ELMO1: variants seen among roughly 807,000 people sequenced by gnomAD.
The protein encoded by ELMO1 is engulfment and cell motility 1, also known as engulfment and cell motility protein 1.
In ELMO1, 26 loss-of-function variants were observed where a neutral mutation model predicts 98.9. The ratio of observed to expected loss-of-function variants is 0.26; its 90% CI spans 0.19 to 0.36. The LOEUF (loss-of-function observed/expected upper bound fraction) is 0.36. Among genes scored for constraint, ELMO1 ranks in the 10% least tolerant of loss-of-function variants. The pLI is 1.00. For missense variants in ELMO1, 627 were observed against 935.2 expected (o/e 0.67, Z 4.30); for synonymous variants, 346 against 346.0 (o/e 1.00, Z 0.00).
chr7:36,876,789 G>A (rs1471688263), intron 19 of ELMO1, among the ~76,000 whole-genome samples: 1 of 152,204 alleles, frequency 6.6e-6, no homozygotes, highest in African/African-American at 2.4e-5. Context: ...CCCCAAAGCA[G>A]GGAGGCATAG....
At chr7:36,954,896 A>T (rs558015965) in intron 16 of ELMO1, among the ~76,000 whole-genome samples, 88 of 152,298 alleles carry the variant, frequency 5.8e-4, no homozygotes, top group Non-Finnish European at 9.6e-4. Flanking sequence ...TGATGTTTTT[A>T]CAAGCGTACC....
intron 7 of ELMO1, among the ~76,000 whole-genome samples, chr7:37,238,152 GCTAT>G (rs1311278436): frequency 6.6e-6 from 1 of 152,254 alleles, no homozygotes; most frequent in East Asian, 1.9e-4. Context: ...GAAGAGAACT[GCTAT>G]CTAATTAAAA....
intron 4 of ELMO1, among the ~76,000 whole-genome samples, chr7:37,290,789 G>A (rs1458469425): frequency 6.6e-6 from 1 of 151,936 alleles, no homozygotes; most frequent in African/African-American, 2.4e-5. Flanking sequence ...AATTCTAATG[G>A]GATTTGACAA....
chr7:36,926,973 T>C (rs11982286), intron 16 of ELMO1, among the ~76,000 whole-genome samples: 14,213 of 152,262 alleles, frequency 0.093, 1,193 homozygotes, highest in East Asian at 0.25. Context: ...TTAGTTCCTA[T>C]GGGAATTGTC....
chr7:37,204,121 G>T, intron 13 of ELMO1: 1 of 456,496 alleles, frequency 2.2e-6, no homozygotes, highest in South Asian at 1.5e-5. Context: ...TTTGGCAATA[G>T]GCATTAGTCT....
chr7:37,050,760 T>C (rs908885277), intron 15 of ELMO1, among the ~76,000 whole-genome samples: 2 of 145,780 alleles, frequency 1.4e-5, no homozygotes, highest in African/African-American at 5.2e-5. Context: ...CTTAAATACA[T>C]ACAATTACCA....
chr7:37,331,333 C>CTTTATTTTTT (rs1800100491), intron 2 of ELMO1, among the ~76,000 whole-genome samples: 1 of 28,716 alleles, frequency 3.5e-5, no homozygotes, highest in Admixed American at 5.7e-4. Flanking sequence ...CCACGCCTGG[C>CTTTATTTTTT]TTTTTTTTTT....
At chr7:37,055,221 T>A (rs779977162) in intron 15 of ELMO1, among the ~76,000 whole-genome samples, 39 of 152,192 alleles carry the variant, frequency 2.6e-4, no homozygotes, top group Admixed American at 2.6e-3. Flanking sequence ...GAGGCATCTA[T>A]AGAAAAGACA....
intron 16 of ELMO1, among the ~76,000 whole-genome samples, chr7:37,006,230 C>G (rs1021115138): frequency 1.3e-5 from 2 of 152,192 alleles, no homozygotes; most frequent in African/African-American, 4.8e-5. Context: ...AACAAACTAT[C>G]TGGGGAAATC....
chr7:37,245,524 T>C (rs1794961547), intron 6 of ELMO1, among the ~76,000 whole-genome samples: 2 of 152,204 alleles, frequency 1.3e-5, no homozygotes, highest in African/African-American at 4.8e-5. Flanking sequence ...TATAAAGAGA[T>C]ATTTTTATTC....
chr7:37,096,524 C>T lies in ELMO1; in HGVS notation c.1300+95G>A, dbSNP rs1221883116. 95 of 1,013,172 alleles carry T rather than the reference C, an allele frequency of 9.4e-5. 1 individual carries two copies. The South Asian group carries it at 1.2e-3, about 12-fold the overall frequency. 62.8% of individuals were successfully genotyped at this position (1,013,172 alleles called of 1,614,324 possible). On this transcript the variant is annotated intron_variant, in intron 15 of 21. Transcript: ENST00000310758. ...CACAGTGATGACCGTAAGAAGCTGT[C>T]GGCATCTTGGGATTTCTTCACACAG...
intron 1 of ELMO1, among the ~76,000 whole-genome samples, chr7:37,353,936 A>T (rs1285756401): frequency 2.0e-5 from 3 of 152,030 alleles, no homozygotes; most frequent in African/African-American, 7.3e-5. Context: ...TGTTCTCTCT[A>T]CCTCCAATGT....
intron 15 of ELMO1, among the ~76,000 whole-genome samples, chr7:37,016,712 C>T (rs1793961595): frequency 6.6e-6 from 1 of 152,140 alleles, no homozygotes; most frequent in Admixed American, 6.5e-5. Context: ...GCACCGGGCA[C>T]TGAATGATGG....
At chr7:37,021,625 T>C (rs1794272610) in intron 15 of ELMO1, among the ~76,000 whole-genome samples, 1 of 151,878 alleles carries the variant, frequency 6.6e-6, no homozygotes, top group South Asian at 2.1e-4. Context: ...CAATGTGACC[T>C]TGATCACCTT....
chr7:37,433,577 C>T (rs1475898022), intron 1 of ELMO1, among the ~76,000 whole-genome samples: 1 of 152,112 alleles, frequency 6.6e-6, no homozygotes, highest in African/African-American at 2.4e-5. Flanking sequence ...TTAATATTCA[C>T]TTCAACCCGA....
intron 13 of ELMO1, among the ~76,000 whole-genome samples, chr7:37,151,331 T>C (rs1436681565): frequency 6.6e-6 from 1 of 152,252 alleles, no homozygotes; most frequent in Middle Eastern, 3.4e-3. Context: ...CCGTTCACAC[T>C]ACACTTCACA....
At chr7:37,082,365 C>A (rs1018161743) in intron 15 of ELMO1, among the ~76,000 whole-genome samples, 1 of 152,004 alleles carries the variant, frequency 6.6e-6, no homozygotes, top group African/African-American at 2.4e-5. Context: ...TCAAAAGATT[C>A]TGATGGTTGA....
chr7:37,213,327 GCA>G lies in ELMO1; in HGVS notation c.954+6_954+7del. ...CTGTGCTTTGACTGCTGTCCAATGAGCACTCACCTGGTCCTGGGGGTCCATTT... is the reference window on the plus strand; with the variant it reads ...CTGTGCTTTGACTGCTGTCCAATGAGCTCACCTGGTCCTGGGGGTCCATTT... On this transcript the variant is annotated splice_donor_region_variant and intron_variant, in intron 12 of 21. Coordinates refer to ENST00000310758, the MANE Select transcript of ELMO1 (RefSeq NM_014800.11). 1 of 1,612,386 alleles carries G rather than the reference GCA, an allele frequency of 6.2e-7. No individual in the cohort carries two copies. Among genetic ancestry groups the G allele is most frequent in the Non-Finnish European group, 8.5e-7 (1 of 1,179,356 alleles).
intron 16 of ELMO1, among the ~76,000 whole-genome samples, chr7:36,990,160 T>G (rs1415816536): frequency 6.6e-6 from 1 of 152,216 alleles, no homozygotes; most frequent in East Asian, 1.9e-4. Flanking sequence ...CCAGCGGTTT[T>G]GTTATGGAGA....
Sources: gnomAD v4.1 joint callset for allele counts (sites outside exome capture counted in the v4.1 genomes callset) on GRCh38, gnomAD v4.1.1 for gene constraint, MANE v1.5 for transcripts, NCBI Gene and HGNC (gene_info 2026-07-23, HGNC 2026-07-21) for gene names.